CDK12: variants seen among roughly 807,000 people sequenced by gnomAD.
The protein encoded by CDK12 is cyclin dependent kinase 12.
Under a neutral mutation model 133.8 loss-of-function variants are expected in CDK12, and 17 were observed. The ratio of observed to expected loss-of-function variants is 0.13; its 90% CI spans 0.09 to 0.19. CDK12 has a LOEUF of 0.19. Among genes scored for constraint, CDK12 ranks in the 10% least tolerant of loss-of-function variants. CDK12 has a pLI of 1.00. For missense variants in CDK12, 1,508 were observed against 1,818.7 expected (o/e 0.83, Z 3.11); for synonymous variants, 694 against 683.6 (o/e 1.02, Z -0.24).
upstream of CDK12, among the ~76,000 whole-genome samples, chr17:39,544,810 A>C (rs2055604094): frequency 6.6e-6 from 1 of 151,634 alleles, no homozygotes; most frequent in South Asian, 2.1e-4. Flanking sequence ...TTGTATTTTT[A>C]GTAGAGATGG....
At chr17:39,466,485 A>G (rs1351496629) in intron 1 of CDK12, among the ~76,000 whole-genome samples, 1 of 149,052 alleles carries the variant, frequency 6.7e-6, no homozygotes, top group African/African-American at 2.5e-5. Flanking sequence ...GTGGTGTCAC[A>G]TGCCTGTAAT....
At chr17:39,465,373 T>C (rs1326090473) in intron 1 of CDK12, among the ~76,000 whole-genome samples, 3 of 151,440 alleles carry the variant, frequency 2.0e-5, no homozygotes, top group African/African-American at 7.3e-5. Context: ...CTAAACACTT[T>C]AACATGTTTA....
At chr17:39,495,384 GTTTTTTT>G (rs60185847) in intron 5 of CDK12, among the ~76,000 whole-genome samples, 5 of 110,688 alleles carry the variant, frequency 4.5e-5, no homozygotes, top group Admixed American at 2.0e-4. Context: ...GGCCTCATGT[GTTTTTTT>G]TTTTTTTTTT....
chr17:39,527,294 GATGCCGTAACTAATTA>G (rs1209989541), intron 13 of CDK12, among the ~76,000 whole-genome samples: 2 of 152,214 alleles, frequency 1.3e-5, no homozygotes, highest in Non-Finnish European at 2.9e-5. Context: ...AAAGTGTAGA[GATGCCGTAACTAATTA>G]TTGCAGTCAC....
intron 2 of CDK12, among the ~76,000 whole-genome samples, chr17:39,474,362 A>G (rs1597946103): frequency 6.6e-6 from 1 of 152,132 alleles, no homozygotes; most frequent in Non-Finnish European, 1.5e-5. Flanking sequence ...TCTGTCCCCC[A>G]GGCTGGAGTG....
At position 39,485,400 on chromosome 17, in the gene CDK12, TC is replaced by T. The variant is rs1310751304; in HGVS notation, c.1932-5149del. 1.4e-4 allele frequency among the ~76,000 whole-genome samples: 14 copies of T among 100,962 alleles called. No individual in the cohort carries two copies. The East Asian group carries it at 2.9e-3, about 21-fold the overall frequency. The allele number at this position is 100,962 out of a possible 152,430, so 66.2% of individuals were successfully genotyped here. On this transcript the variant is annotated intron_variant, in intron 2 of 13. Coordinates refer to ENST00000447079, the MANE Select transcript of CDK12 (RefSeq NM_016507.4). The stretch of plus-strand genomic sequence containing the variant: ...GGAGTTTGAGACCAGAGCTTAGGCA[TC>T]CCCCCCCTTTTTTTTTTTTTTTTTT...
intron 10 of CDK12, among the ~76,000 whole-genome samples, 161 bp from the exon 11 acceptor site, chr17:39,519,795 G>A (rs1013810695): frequency 6.6e-6 from 1 of 151,926 alleles, no homozygotes; most frequent in Non-Finnish European, 1.5e-5. Context: ...TGAGGTTTCA[G>A]TATGTTGCCC....
upstream of CDK12, among the ~76,000 whole-genome samples, chr17:39,547,129 ATTTTTTT>A (rs34569985): frequency 1.1e-5 from 1 of 90,610 alleles, no homozygotes; most frequent in African/African-American, 4.4e-5. Flanking sequence ...GAGTACTAGG[ATTTTTTT>A]TTTTTTTTTT....
chr17:39,462,587 G>A lies in CDK12; in HGVS notation c.516G>A (p.Lys172=). 2.5e-6 allele frequency: 4 copies of A among 1,614,144 alleles called. No individual in the cohort carries two copies. The highest frequency in any genetic ancestry group is 3.4e-6 in the Non-Finnish European group (4 of 1,180,040). ...CGCAGGTAGCCAAAAGCAGCAGCAA[G>A]GAATCCAGGTCATCCAAGCTCCACA... ...GKAQVAKSSS[K]ESRSSKLHKE... Residue 172 remains lysine (K), a synonymous_variant, in exon 1 of 14, where the codon AAG becomes AAA. Transcript: ENST00000447079.
At position 39,532,702 on chromosome 17, in the gene CDK12, A is replaced by G. The variant is rs1239883345; in HGVS notation, c.*1386A>G. On this transcript the variant is annotated 3_prime_UTR_variant, in exon 14 of 14. Transcript: ENST00000447079. ...AGTTCTTTTAGGGATTTTTCCTCCA[A>G]AGAGATTTGGATTTGGTTTTGGTAA... The G allele has an allele frequency of 1.3e-5, 3 of 232,602 alleles. No individual in the cohort carries two copies. Among genetic ancestry groups the G allele is most frequent in the Non-Finnish European group, 2.5e-5 (3 of 117,698 alleles). 14.4% of individuals were successfully genotyped at this position (232,602 alleles called of 1,614,324 possible).
rs2146140450 is a variant in CDK12 at position 39,501,328 on chromosome 17, A to T, written c.2498A>T (p.Glu833Val). 6.2e-7 allele frequency: 1 copy of T among 1,613,500 alleles called. No homozygotes were observed. Among genetic ancestry groups the T allele is most frequent in the Non-Finnish European group, 8.5e-7 (1 of 1,179,710 alleles). Residue 833 changes from glutamate to valine, a missense_variant, in exon 6 of 14, where the codon GAG becomes GTG. Coordinates refer to ENST00000447079, the MANE Select transcript of CDK12 (RefSeq NM_016507.4). ...LLESGLVHFS[E>V]DHIKSFMKQL... ...GAATCTGGTTTGGTGCACTTTTCTG[A>T]GGACCATATCAAGTCGTTCATGAAA...
chr17:39,462,785 G>A lies in CDK12; in HGVS notation c.714G>A (p.Ser238=), dbSNP rs35896550. The A allele has an allele frequency of 9.7e-3, 15,665 of 1,614,046 alleles. 1,283 individuals carry two copies. In the African/African-American group the frequency reaches 0.18, roughly 19 times the overall value. Residue 238 remains serine (S), a synonymous_variant, in exon 1 of 14, where the codon TCG becomes TCA. Transcript: ENST00000447079. Reference sequence around the variant, plus strand: ...GCTCCAAACAAGATGATAGCCCCTCGGGAGCTTCTTATGGCCAAGATTATG... The same window carrying A: ...GCTCCAAACAAGATGATAGCCCCTCAGGAGCTTCTTATGGCCAAGATTATG... The part of the protein sequence containing the change: ...SDSSKQDDSP[S]GASYGQDYDL...
chr17:39,533,830 G>A lies in CDK12; in HGVS notation c.*2514G>A, dbSNP rs999561624. 6 of 232,180 alleles carry A rather than the reference G, an allele frequency of 2.6e-5. No individual in the cohort carries two copies. Among genetic ancestry groups the A allele is most frequent in the Non-Finnish European group, 5.1e-5 (6 of 117,466 alleles). 14.4% of individuals were successfully genotyped at this position (232,180 alleles called of 1,614,324 possible). A position where few individuals can be genotyped will look rare whatever the true frequency, so the allele number is the denominator to read the frequency against. On this transcript the variant is annotated 3_prime_UTR_variant, in exon 14 of 14. Coordinates refer to ENST00000447079, the MANE Select transcript of CDK12 (RefSeq NM_016507.4). ...AACTTATTTAAATATCCTGGAATCT[G>A]TATGGAGGAAGAAAAGGTATTTGTT...
At chr17:39,561,347 C>T (rs1017475141) in intron 3 of CDK12, among the ~76,000 whole-genome samples, 21 of 152,198 alleles carry the variant, frequency 1.4e-4, no homozygotes, top group African/African-American at 4.3e-4. Flanking sequence ...AGTTCATTTA[C>T]AAACCCATAC....
intron 2 of CDK12, chr17:39,556,146 C>G (rs1266513881): frequency 6.5e-6 from 1 of 152,750 alleles, no homozygotes; most frequent in African/African-American, 2.4e-5. Flanking sequence ...TTAGCCAATT[C>G]CATTCCTGGC....
At chr17:39,525,718 C>T (rs1170679679) in intron 12 of CDK12, 146 bp from the exon 13 acceptor site, 5 of 636,952 alleles carry the variant, frequency 7.8e-6, no homozygotes, top group Non-Finnish European at 1.4e-5. Flanking sequence ...CAAAATGTGT[C>T]ATGACATTTT....
At chr17:39,494,988 G>A (rs77581454) in intron 5 of CDK12, among the ~76,000 whole-genome samples, 7,818 of 151,912 alleles carry the variant, frequency 0.051, 662 homozygotes, top group African/African-American at 0.18. Context: ...AGCCAGGATG[G>A]TCTCGATCTC....
chr17:39,481,265 GAA>G (rs71147344), intron 2 of CDK12, among the ~76,000 whole-genome samples: 32 of 129,792 alleles, frequency 2.5e-4, no homozygotes, highest in East Asian at 1.5e-3. Flanking sequence ...AAAAAAAAAA[GAA>G]AAAAAAAAAA....
intron 6 of CDK12, among the ~76,000 whole-genome samples, chr17:39,506,289 C>T (rs1027647059): frequency 6.9e-6 from 1 of 145,582 alleles, no homozygotes; most frequent in Non-Finnish European, 1.5e-5. Context: ...TATCTCGGCT[C>T]ACTGCAACCT....
Sources: gnomAD v4.1 joint callset for allele counts (sites outside exome capture counted in the v4.1 genomes callset) on GRCh38, gnomAD v4.1.1 for gene constraint, MANE v1.5 for transcripts, NCBI Gene and HGNC (gene_info 2026-07-23, HGNC 2026-07-21) for gene names.